Variants in EFCAB6 observed in about 807,000 individuals in gnomAD.
EFCAB6 encodes EF-hand calcium binding domain 6, also known as EF-hand calcium-binding domain-containing protein 6.
Under a neutral mutation model 169.8 loss-of-function variants are expected in EFCAB6, and 156 were observed. The ratio of observed to expected loss-of-function variants is 0.92; its 90% CI spans 0.81 to 1.05. EFCAB6 has a LOEUF of 1.05. EFCAB6 is among the 50% of genes least tolerant of loss of function. EFCAB6 has a pLI of 0.00. For missense variants in EFCAB6, 1,800 were observed against 1,829.1 expected (o/e 0.98, Z 0.29); for synonymous variants, 698 against 676.4 (o/e 1.03, Z -0.50).
intron 12 of EFCAB6, among the ~76,000 whole-genome samples, chr22:43,678,475 C>T (rs1177463634): frequency 6.6e-6 from 1 of 151,990 alleles, no homozygotes; most frequent in Non-Finnish European, 1.5e-5. Context: ...TGACTCCCTT[C>T]CCCAGGGGCT....
At chr22:43,700,892 G>A (rs962465681) in intron 10 of EFCAB6, among the ~76,000 whole-genome samples, 1 of 152,086 alleles carries the variant, frequency 6.6e-6, no homozygotes, top group Non-Finnish European at 1.5e-5. Context: ...GTTTTTTCCA[G>A]TTTCAAGTGA....
chr22:43,634,024 T>A (rs1173340058), intron 18 of EFCAB6, among the ~76,000 whole-genome samples: 1 of 151,348 alleles, frequency 6.6e-6, no homozygotes, highest in Non-Finnish European at 1.5e-5. Flanking sequence ...AAGCAGGAAG[T>A]GAGGGGAGGA....
chr22:43,539,943 C>T (rs778665757), intron 28 of EFCAB6, among the ~76,000 whole-genome samples, 184 bp downstream of exon 28: 5 of 152,170 alleles, frequency 3.3e-5, no homozygotes, highest in Non-Finnish European at 7.4e-5. Flanking sequence ...ACGTCTGCCC[C>T]CCTCCCAGGG....
chr22:43,641,632 A>AG (rs2055810103), intron 17 of EFCAB6, among the ~76,000 whole-genome samples: 1 of 151,416 alleles, frequency 6.6e-6, no homozygotes, highest in Non-Finnish European at 1.5e-5. Context: ...AAAAAAAAAA[A>AG]TACTATGAGG....
chr22:43,628,162 C>T lies in EFCAB6; in HGVS notation c.2233-1483G>A, dbSNP rs934330740. Among the ~76,000 whole-genome samples the T allele has an allele frequency of 6.6e-6, 1 of 152,052 alleles. No individual in the cohort carries two copies. The highest frequency in any genetic ancestry group is 2.4e-5 in the African/African-American group (1 of 41,388). On this transcript the variant is annotated intron_variant, in intron 19 of 31. Coordinates refer to ENST00000262726, the MANE Select transcript of EFCAB6 (RefSeq NM_022785.4). This position sits in a 1 kb window ranked among gnomAD's most constrained non-coding sequence, Gnocchi z 4.8. ...ATGTCAAACTGAACATGGCCCAAAT[C>T]AAACTCCTGACCTCCACCCCCTGTC... is the stretch of plus-strand genomic sequence containing the variant.
At chr22:43,714,065 T>C (rs1007577790) in intron 9 of EFCAB6, among the ~76,000 whole-genome samples, 3 of 152,148 alleles carry the variant, frequency 2.0e-5, no homozygotes, top group Non-Finnish European at 2.9e-5. Context: ...AAATAACTTT[T>C]TAGAAATTGT....
chr22:43,723,905 T>TA (rs139981991), intron 8 of EFCAB6, among the ~76,000 whole-genome samples: 8,261 of 152,286 alleles, frequency 0.054, 281 homozygotes, highest in Non-Finnish European at 0.081. Flanking sequence ...TTAGGGTAAT[T>TA]GCCAAAAACC....
At chr22:43,619,472 C>A (rs2053976425) in intron 20 of EFCAB6, among the ~76,000 whole-genome samples, 2 of 152,068 alleles carry the variant, frequency 1.3e-5, no homozygotes, top group Admixed American at 1.3e-4. Flanking sequence ...ATGTAAAAGA[C>A]AACAGACACC....
chr22:43,743,360 C>T (rs2060441778), intron 6 of EFCAB6, among the ~76,000 whole-genome samples: 1 of 152,174 alleles, frequency 6.6e-6, no homozygotes, highest in Non-Finnish European at 1.5e-5. Context: ...CTCTTTGCCT[C>T]CTTCCTCTCC....
intron 10 of EFCAB6, among the ~76,000 whole-genome samples, chr22:43,702,291 A>T (rs2058793588): frequency 6.6e-6 from 1 of 152,248 alleles, no homozygotes; most frequent in South Asian, 2.1e-4. Flanking sequence ...AGTCAGCAAG[A>T]TGACAGAATT....
At chr22:43,651,872 C>T (rs1050202965) in intron 17 of EFCAB6, among the ~76,000 whole-genome samples, 1 of 152,146 alleles carries the variant, frequency 6.6e-6, no homozygotes, top group African/African-American at 2.4e-5. Context: ...TTTGTTTTGG[C>T]CAATTTCTCC....
At chr22:43,696,516 G>A (rs137808) in intron 10 of EFCAB6, among the ~76,000 whole-genome samples, 92,497 of 152,038 alleles carry the variant, frequency 0.61, 28,859 homozygotes, top group African/African-American at 0.72. Context: ...AGTATCTTCT[G>A]TAATTACCCC....
chr22:43,800,839 A>C (rs1189339366), intron 2 of EFCAB6, among the ~76,000 whole-genome samples: 1 of 152,220 alleles, frequency 6.6e-6, no homozygotes, highest in East Asian at 1.9e-4. Flanking sequence ...AAGATATAGA[A>C]AATTTCCTCA....
chr22:43,778,128 C>T (rs2061697193), intron 3 of EFCAB6, among the ~76,000 whole-genome samples: 1 of 152,204 alleles, frequency 6.6e-6, no homozygotes, highest in Non-Finnish European at 1.5e-5. Flanking sequence ...ATAACTCCTT[C>T]CAGCCCTGTG....
intron 17 of EFCAB6, among the ~76,000 whole-genome samples, chr22:43,657,342 A>G (rs1194357939): frequency 6.6e-6 from 1 of 152,182 alleles, no homozygotes; most frequent in Non-Finnish European, 1.5e-5. Context: ...TCCACACCTC[A>G]GCATATTTCA....
At chr22:43,652,133 T>C (rs1439605664) in intron 17 of EFCAB6, among the ~76,000 whole-genome samples, 5 of 152,316 alleles carry the variant, frequency 3.3e-5, no homozygotes, top group South Asian at 4.1e-4. Flanking sequence ...TGATATGGTT[T>C]AGCTGTGTCC....
chr22:43,699,074 A>ATG (rs137811), intron 10 of EFCAB6, among the ~76,000 whole-genome samples: 18,390 of 152,112 alleles, frequency 0.12, 1,146 homozygotes, highest in Admixed American at 0.13. Context: ...CCCTAAAAGG[A>ATG]TGCTGAGGCT....
chr22:43,594,301 A>C (rs1397091769), intron 23 of EFCAB6, among the ~76,000 whole-genome samples: 3 of 150,668 alleles, frequency 2.0e-5, no homozygotes, highest in African/African-American at 4.8e-5. Flanking sequence ...AAAAAAAAGA[A>C]AAGACATGAG....
chr22:43,779,854 G>GAT (rs1190972995), intron 3 of EFCAB6, among the ~76,000 whole-genome samples: 2 of 152,274 alleles, frequency 1.3e-5, no homozygotes, highest in Non-Finnish European at 2.9e-5. Flanking sequence ...CACTAAGGCA[G>GAT]ATAGAAGGTT....
Sources: gnomAD v4.1 joint callset for allele counts (sites outside exome capture counted in the v4.1 genomes callset) on GRCh38, gnomAD v4.1.1 for gene constraint, Gnocchi (gnomAD v3.1) non-coding constraint, MANE v1.5 for transcripts, NCBI Gene and HGNC (gene_info 2026-07-23, HGNC 2026-07-21) for gene names.